TRERF1: variants seen among roughly 807,000 people sequenced by gnomAD.
The protein encoded by TRERF1 is transcriptional regulating factor 1.
A neutral mutation model predicts 122.9 loss-of-function variants in TRERF1; 27 were observed. That is an observed-to-expected ratio of 0.22 (90% CI 0.16 to 0.30). The LOEUF (loss-of-function observed/expected upper bound fraction) is 0.30, where lower values mean the gene tolerates loss of function less well. TRERF1 is among the 10% of genes least tolerant of loss of function. TRERF1 has a pLI of 1.00. For missense variants in TRERF1, 1,248 were observed against 1,560.3 expected, an observed-to-expected ratio of 0.80 and a Z score of 3.37; for synonymous variants, 636 against 641.7, an observed-to-expected ratio of 0.99 and a Z score of 0.13.
intron 3 of TRERF1, among the ~76,000 whole-genome samples, chr6:42,308,120 A>G (rs761004445): frequency 2.6e-5 from 4 of 152,196 alleles, no homozygotes; most frequent in Non-Finnish European, 5.9e-5. Context: ...TTCTAGGTAT[A>G]TACCCCACAT....
At chr6:42,243,953 A>G (rs1774272158) in intron 14 of TRERF1, among the ~76,000 whole-genome samples, 1 of 142,372 alleles carries the variant, frequency 7.0e-6, no homozygotes, top group South Asian at 2.2e-4. Flanking sequence ...ATCTTGGCTC[A>G]CTGCAACCTC....
chr6:42,265,604 T>C, intron 6 of TRERF1, 147 bp downstream of exon 6: 2 of 854,890 alleles, frequency 2.3e-6, no homozygotes, highest in Admixed American at 2.3e-5. Context: ...GCTTAGCCCA[T>C]AGTATGCACT....
At chr6:42,236,526 C>A in intron 15 of TRERF1, 115 bp from the exon 16 acceptor site, 1 of 1,422,942 alleles carries the variant, frequency 7.0e-7, no homozygotes, top group Non-Finnish European at 9.3e-7. Flanking sequence ...CGCTGTGTTC[C>A]TTTCTTTCTG....
chr6:42,372,845 G>A (rs183209770), intron 2 of TRERF1, among the ~76,000 whole-genome samples: 41 of 152,342 alleles, frequency 2.7e-4, no homozygotes, highest in Non-Finnish European at 4.6e-4. Context: ...TGACCACAGG[G>A]TGGGTGGGGC....
intron 4 of TRERF1, among the ~76,000 whole-genome samples, chr6:42,298,461 T>C (rs111570478): frequency 1.8e-3 from 280 of 151,622 alleles, no homozygotes; most frequent in African/African-American, 5.8e-3. Flanking sequence ...GGCCAGAAGA[T>C]AGATTTGAAT....
At position 42,299,200 on chromosome 6, in the gene TRERF1, T is replaced by TTTCTATCTA. The variant is rs1554152358; in HGVS notation, c.-259+1437_-259+1438insTAGATAGAA. On this transcript the variant is annotated intron_variant, in intron 4 of 17. Coordinates refer to ENST00000372922, the Ensembl canonical transcript of TRERF1. ...AAAAACACACATAGAGTCTGTTTTT[T>TTTCTATCTA]TCTATCTATCTATCTATCTATCTAT... 3.4e-5 allele frequency among the ~76,000 whole-genome samples: 5 copies of TTTCTATCTA among 146,712 alleles called. No homozygotes were observed. In the South Asian group the frequency reaches 8.9e-4, roughly 26 times the overall value.
intron 3 of TRERF1, among the ~76,000 whole-genome samples, chr6:42,360,187 A>G (rs1771451014): frequency 6.6e-6 from 1 of 152,238 alleles, no homozygotes; most frequent in Non-Finnish European, 1.5e-5. Flanking sequence ...GACTCAGATC[A>G]CCTCAGTTAA....
intron 4 of TRERF1, among the ~76,000 whole-genome samples, chr6:42,281,693 C>T (rs559126771): frequency 2.0e-5 from 3 of 152,136 alleles, no homozygotes; most frequent in Admixed American, 2.0e-4. Flanking sequence ...ATCCTCCAGC[C>T]CTGTGTGGAG....
chr6:42,249,419 C>T (rs548204588), intron 13 of TRERF1, among the ~76,000 whole-genome samples: 1 of 152,320 alleles, frequency 6.6e-6, no homozygotes, highest in South Asian at 2.1e-4. Context: ...CTGTCGATTT[C>T]TGAGAAGCAT....
At chr6:42,429,825 T>C (rs1415218067) in intron 2 of TRERF1, among the ~76,000 whole-genome samples, 2 of 151,802 alleles carry the variant, frequency 1.3e-5, no homozygotes, top group Non-Finnish European at 2.9e-5. Context: ...CAGGCTGAAG[T>C]GTTTTGGAAG....
chr6:42,360,273 A>G (rs1771464891), intron 3 of TRERF1, among the ~76,000 whole-genome samples: 1 of 152,248 alleles, frequency 6.6e-6, no homozygotes, highest in African/African-American at 2.4e-5. Flanking sequence ...GAGGAACCTC[A>G]TTACTGTAAT....
chr6:42,321,526 A>G (rs892444001), intron 3 of TRERF1, among the ~76,000 whole-genome samples: 8 of 152,254 alleles, frequency 5.3e-5, no homozygotes, highest in African/African-American at 1.7e-4. Flanking sequence ...TCCAAAGAGA[A>G]TAACACATCA....
Position 42,259,446 on chromosome 6 carries a change from G to A in TRERF1, c.2162C>T (p.Ser721Leu). 6.2e-7 allele frequency: 1 copy of A among 1,600,950 alleles called. No individual in the cohort carries two copies. Residue 721 changes from serine to leucine, a missense_variant, in exon 9 of 18, where the codon TCG becomes TTG. This residue lies in a region of TRERF1 where 946 missense variants were observed against 1,073.0 expected (regional missense o/e 0.88). Coordinates refer to ENST00000372922, the Ensembl canonical transcript of TRERF1. This position sits in a 1 kb window ranked among gnomAD's most constrained non-coding sequence, Gnocchi z 4.9. ...GATGAGGACATTGCTGAAGAGCCCC[G>A]AGCCCTGGCGCACCGGGCTCAGCAT...
chr6:42,412,876 T>C (rs1434095531), intron 2 of TRERF1, among the ~76,000 whole-genome samples: 2 of 152,108 alleles, frequency 1.3e-5, no homozygotes, highest in Non-Finnish European at 2.9e-5. Flanking sequence ...AACCCAGAAG[T>C]CTGAAGCTGT....
chr6:42,233,542 C>A (rs1477300475), intron 16 of TRERF1, among the ~76,000 whole-genome samples: 1 of 152,176 alleles, frequency 6.6e-6, no homozygotes, highest in East Asian at 1.9e-4. Flanking sequence ...GCCTTGGCCT[C>A]CCAAAGTGCT....
intron 3 of TRERF1, among the ~76,000 whole-genome samples, chr6:42,345,105 C>T (rs550968374): frequency 6.6e-6 from 1 of 152,314 alleles, no homozygotes; most frequent in South Asian, 2.1e-4. Flanking sequence ...ATAATGATTT[C>T]ATCTCTGTAA....
chr6:42,431,470 C>A (rs1241433046), intron 2 of TRERF1, among the ~76,000 whole-genome samples: 2 of 152,192 alleles, frequency 1.3e-5, no homozygotes, highest in African/African-American at 4.8e-5. Context: ...TCACTCCCTG[C>A]AGTTTATTAG....
chr6:42,288,574 C>CAAAAAAAAAAAAAAAA (rs3074797), intron 4 of TRERF1, among the ~76,000 whole-genome samples: 3 of 86,538 alleles, frequency 3.5e-5, no homozygotes, highest in African/African-American at 1.5e-4. Context: ...ATCTCAAAAC[C>CAAAAAAAAAAAAAAAA]AAAAAAAAAA....
At chr6:42,350,134 C>T (rs1769128636) in intron 3 of TRERF1, among the ~76,000 whole-genome samples, 1 of 152,092 alleles carries the variant, frequency 6.6e-6, no homozygotes, top group East Asian at 1.9e-4. Flanking sequence ...TGACCACCCA[C>T]CCGACGCAGG....
Sources: gnomAD v4.1 joint callset for allele counts (sites outside exome capture counted in the v4.1 genomes callset) on GRCh38, gnomAD v4.1.1 for gene constraint, gnomAD v4.1.1 regional missense constraint, Gnocchi (gnomAD v3.1) non-coding constraint, MANE v1.5 for transcripts, NCBI Gene and HGNC (gene_info 2026-07-23, HGNC 2026-07-21) for gene names.